CFAP95: variants seen among roughly 807,000 people sequenced by gnomAD.
The protein encoded by CFAP95 is cilia and flagella associated protein 95, also known as cilia- and flagella-associated protein 95.
chr9:69,855,966 G>A, the CFAP95 span, among the ~76,000 whole-genome samples: 3 of 152,122 alleles, frequency 2.0e-5, no homozygotes, highest in Non-Finnish European at 4.4e-5. Context: ...TGAACCTCCA[G>A]CTTCATGATC....
At chr9:69,862,261 T>G in the CFAP95 span, among the ~76,000 whole-genome samples, 1 of 152,248 alleles carries the variant, frequency 6.6e-6, no homozygotes, top group Non-Finnish European at 1.5e-5. Flanking sequence ...TTCTCAATTC[T>G]TTTTGGTAAA....
the CFAP95 span, among the ~76,000 whole-genome samples, chr9:69,880,161 G>A: frequency 6.6e-6 from 1 of 152,078 alleles, no homozygotes; most frequent in African/African-American, 2.4e-5. Flanking sequence ...TACTCTTTTA[G>A]TTATTTTAAA....
chr9:69,840,475 A>T, the CFAP95 span, among the ~76,000 whole-genome samples: 1 of 152,144 alleles, frequency 6.6e-6, no homozygotes, highest in East Asian at 1.9e-4. Context: ...GAGACTCTCA[A>T]GGTGTTGATT....
At chr9:69,829,120 C>T in the CFAP95 span, among the ~76,000 whole-genome samples, 1 of 152,218 alleles carries the variant, frequency 6.6e-6, no homozygotes, top group Admixed American at 6.5e-5. Flanking sequence ...CGTTCTACAA[C>T]GGTGGATCCT....
the CFAP95 span, among the ~76,000 whole-genome samples, chr9:69,855,563 G>T: frequency 6.6e-6 from 1 of 152,172 alleles, no homozygotes. Flanking sequence ...GATCAAAGCT[G>T]GGAAATTTGG....
At chr9:69,848,869 T>A in the CFAP95 span, among the ~76,000 whole-genome samples, 25 of 152,182 alleles carry the variant, frequency 1.6e-4, 1 homozygote, top group Non-Finnish European at 3.2e-4. Flanking sequence ...AGTTTTGTAT[T>A]ATCTGAGAGT....
the CFAP95 span, among the ~76,000 whole-genome samples, chr9:69,898,147 G>A: frequency 6.6e-6 from 1 of 152,146 alleles, no homozygotes; most frequent in African/African-American, 2.4e-5. Context: ...GTGGCTAGAG[G>A]TTAATTGACA....
chr9:69,891,782 G>T, the CFAP95 span, among the ~76,000 whole-genome samples: 1 of 151,888 alleles, frequency 6.6e-6, no homozygotes, highest in African/African-American at 2.4e-5. Context: ...TTTTGACTGC[G>T]TTACTGTATT....
At chr9:69,844,892 TG>T in the CFAP95 span, among the ~76,000 whole-genome samples, 1 of 152,228 alleles carries the variant, frequency 6.6e-6, no homozygotes, top group Non-Finnish European at 1.5e-5. Flanking sequence ...TTGTTCCTGT[TG>T]CTATGATGCT....
At chr9:69,856,921 T>G in the CFAP95 span, among the ~76,000 whole-genome samples, 1 of 18,822 alleles carries the variant, frequency 5.3e-5, no homozygotes, top group Admixed American at 4.6e-4. Context: ...TTTATATGTG[T>G]TTTTTTTTTT....
chr9:69,893,193 G>A, the CFAP95 span, among the ~76,000 whole-genome samples: 3 of 152,134 alleles, frequency 2.0e-5, no homozygotes, highest in Non-Finnish European at 4.4e-5. Context: ...GCTCCTGCTG[G>A]TCACCCAGAA....
chr9:69,896,752 G>A, the CFAP95 span, among the ~76,000 whole-genome samples: 2 of 152,130 alleles, frequency 1.3e-5, no homozygotes, highest in Non-Finnish European at 2.9e-5. Context: ...GCCAGGTGCG[G>A]TGGCTCACAC....
the CFAP95 span, among the ~76,000 whole-genome samples, chr9:69,872,400 C>A: frequency 3.9e-5 from 6 of 152,152 alleles, no homozygotes; most frequent in Non-Finnish European, 8.8e-5. Context: ...GTAATTAATC[C>A]ATTTATTCTA....
the CFAP95 span, among the ~76,000 whole-genome samples, chr9:69,846,132 G>A: frequency 6.6e-6 from 1 of 152,104 alleles, no homozygotes; most frequent in Non-Finnish European, 1.5e-5. Context: ...TATTAAAGAT[G>A]TTTTTAAAGA....
the CFAP95 span, among the ~76,000 whole-genome samples, chr9:69,836,278 T>A: frequency 6.6e-6 from 1 of 152,100 alleles, no homozygotes; most frequent in African/African-American, 2.4e-5. Flanking sequence ...GGGGTGCAAC[T>A]GTTCTCTAGG....
chr9:69,897,309 G>A, the CFAP95 span, among the ~76,000 whole-genome samples: 2 of 152,176 alleles, frequency 1.3e-5, no homozygotes, highest in Non-Finnish European at 2.9e-5. Context: ...GGTTTTTGCT[G>A]TGCTAATGCC....
chr9:69,857,626 G>A, the CFAP95 span, among the ~76,000 whole-genome samples: 1 of 152,158 alleles, frequency 6.6e-6, no homozygotes, highest in Non-Finnish European at 1.5e-5. Context: ...TCAGGTTCAA[G>A]CAATTCTCCT....
chr9:69,827,853 C>T, the CFAP95 span, among the ~76,000 whole-genome samples: 4 of 152,142 alleles, frequency 2.6e-5, no homozygotes, highest in South Asian at 2.1e-4. Flanking sequence ...GCACCTCTAC[C>T]CTCAACATGG....
chr9:69,861,208 G>T, the CFAP95 span, among the ~76,000 whole-genome samples: 1 of 152,168 alleles, frequency 6.6e-6, no homozygotes, highest in African/African-American at 2.4e-5. Flanking sequence ...AATGTCAATA[G>T]AAATTTTTCA....
Sources: allele counts gnomAD v4.1 joint callset (sites outside exome capture counted in the v4.1 genomes callset), GRCh38; gene constraint gnomAD v4.1.1; transcripts MANE v1.5; gene names NCBI Gene and HGNC (gene_info 2026-07-23, HGNC 2026-07-21).